Variants in EXT1 observed in about 807,000 individuals in gnomAD.
EXT1 encodes exostosin glycosyltransferase 1.
Under a neutral mutation model 82.5 loss-of-function variants are expected in EXT1, and 20 were observed. The observed-to-expected ratio is 0.24, with a 90% CI of 0.17 to 0.35. The LOEUF is 0.35. Ranked by LOEUF, EXT1 falls within the 10% of genes least tolerant of loss-of-function variation. The pLI is 1.00. For missense variants in EXT1, 757 were observed against 936.5 expected (o/e 0.81, Z 2.50); for synonymous variants, 348 against 350.8 (o/e 0.99, Z 0.09).
intron 1 of EXT1, among the ~76,000 whole-genome samples, chr8:117,855,897 C>T (rs1355269695): frequency 6.6e-6 from 1 of 152,092 alleles, no homozygotes; most frequent in Non-Finnish European, 1.5e-5. Context: ...CTCAAACACC[C>T]GACCTCAGGT....
chr8:117,999,960 GTA>G (rs10660296), intron 1 of EXT1, among the ~76,000 whole-genome samples: 9,595 of 150,786 alleles, frequency 0.064, 431 homozygotes, highest in Non-Finnish European at 0.093. Flanking sequence ...GTATGTGCGT[GTA>G]TATATATATA....
intron 1 of EXT1, among the ~76,000 whole-genome samples, chr8:117,869,589 G>A (rs927867474): frequency 2.0e-5 from 3 of 152,148 alleles, no homozygotes; most frequent in Admixed American, 2.0e-4. Flanking sequence ...ATTGAAGGAT[G>A]ATGTAGCAGG....
intron 10 of EXT1, among the ~76,000 whole-genome samples, chr8:117,804,196 G>C (rs941014923): frequency 6.6e-6 from 1 of 152,148 alleles, no homozygotes; most frequent in South Asian, 2.1e-4. Context: ...TAGGTCATGA[G>C]GGTGGAGTCC....
In EXT1 at chr8:118,110,907, T is replaced by A. The variant is rs2130045346; in HGVS notation, c.140A>T (p.His47Leu). 6.2e-7 allele frequency: 1 copy of A among 1,613,988 alleles called. No individual in the cohort carries two copies. The highest frequency in any genetic ancestry group is 8.5e-7 in the Non-Finnish European group (1 of 1,180,022). ...CCAGAAATGATCCGGACTGGGGTGG[T>A]GCAAGCCATTCCTACCGCTGTGTTC... ...REEHSGRNGL[H>L]HPSPDHFWPR... Residue 47 changes from histidine to leucine, a missense_variant, in exon 1 of 11, where the codon CAC (histidine) becomes CTC (leucine). Physicochemically the swap from His to Leu is moderately conservative, Grantham distance 99 (BLOSUM62 -3). This residue lies in a region of EXT1 where 175 missense variants were observed against 159.0 expected (regional missense o/e 1.10). Transcript: ENST00000378204.
At chr8:118,083,632 G>A (rs1166334259) in intron 1 of EXT1, among the ~76,000 whole-genome samples, 2 of 152,076 alleles carry the variant, frequency 1.3e-5, no homozygotes, top group African/African-American at 4.8e-5. Context: ...TGTTCTTACT[G>A]CCCAGCACAG....
At position 117,796,688 on chromosome 8, in the gene EXT1, G is replaced by A. The variant is rs550146913; in HGVS notation, c.*3024C>T. 28 of 152,240 alleles carry A rather than the reference G, an allele frequency of 1.8e-4. No homozygotes were observed. The highest frequency in any genetic ancestry group is 5.8e-4 in the African/African-American group (24 of 41,552). The allele number at this position is 152,240 out of a possible 1,614,324, so 9.4% of individuals were successfully genotyped here. ...TTTTGAAGCATCTATCTGAAAGTGT[G>A]TTGATACGACCAGGTAGGCCCACCT... On this transcript the variant is annotated 3_prime_UTR_variant, in exon 11 of 11. Coordinates refer to ENST00000378204, the MANE Select transcript of EXT1 (RefSeq NM_000127.3).
At chr8:117,813,553 A>T (rs1289705372) in intron 7 of EXT1, among the ~76,000 whole-genome samples, 1 of 152,236 alleles carries the variant, frequency 6.6e-6, no homozygotes, top group African/African-American at 2.4e-5. Context: ...AGATCACTGT[A>T]GAAAGTGCTG....
chr8:117,990,684 T>C (rs929294258), intron 1 of EXT1, among the ~76,000 whole-genome samples: 7 of 152,366 alleles, frequency 4.6e-5, no homozygotes, highest in Middle Eastern at 3.4e-3. Context: ...CATTGGCACA[T>C]GCTTCCTCAT....
At chr8:117,909,141 A>AAG in intron 1 of EXT1, among the ~76,000 whole-genome samples, 1 of 150,782 alleles carries the variant, frequency 6.6e-6, no homozygotes. Flanking sequence ...CAAAAAAAAA[A>AAG]GAGAAAAGCT....
At chr8:117,916,161 T>A (rs1410137292) in intron 1 of EXT1, among the ~76,000 whole-genome samples, 5 of 152,230 alleles carry the variant, frequency 3.3e-5, no homozygotes, top group Admixed American at 3.3e-4. Flanking sequence ...ACTTTACCCA[T>A]GTTAATGAAG....
intron 7 of EXT1, among the ~76,000 whole-genome samples, chr8:117,814,458 C>T (rs1401524749): frequency 6.6e-6 from 1 of 152,040 alleles, no homozygotes; most frequent in Non-Finnish European, 1.5e-5. Context: ...TCATATATAT[C>T]ATCGTGTTTC....
At chr8:117,836,205 C>T (rs1812186204) in intron 2 of EXT1, among the ~76,000 whole-genome samples, 1 of 152,144 alleles carries the variant, frequency 6.6e-6, no homozygotes, top group Admixed American at 6.5e-5. Context: ...CCAAATAACT[C>T]ATAATCCAAA....
At chr8:118,104,216 G>T (rs1817770218) in intron 1 of EXT1, among the ~76,000 whole-genome samples, 1 of 152,184 alleles carries the variant, frequency 6.6e-6, no homozygotes, top group African/African-American at 2.4e-5. Context: ...CAAATAACAG[G>T]TACTCAGCAA....
Position 118,097,304 on chromosome 8 carries a change from G to A in EXT1, c.962+12781C>T, listed in dbSNP as rs189643065. 9.0e-3 allele frequency among the ~76,000 whole-genome samples: 1,375 copies of A among 152,120 alleles called. 8 individuals are homozygous for A. The highest frequency in any genetic ancestry group is 0.013 in the Non-Finnish European group (858 of 67,984). On this transcript the variant is annotated intron_variant, in intron 1 of 10. Coordinates refer to ENST00000378204, the MANE Select transcript of EXT1 (RefSeq NM_000127.3). The stretch of plus-strand genomic sequence containing the variant: ...TTACTAAAAATACAAAAAATTAGCC[G>A]GGCATGGTGGTACATATCTGTAATT...
intron 1 of EXT1, among the ~76,000 whole-genome samples, chr8:117,997,241 C>A (rs940461924): frequency 7.4e-6 from 1 of 134,608 alleles, no homozygotes; most frequent in African/African-American, 3.2e-5. Context: ...GTATAGTTGT[C>A]ATACTATATA....
In EXT1 at chr8:118,110,617, A is replaced by G; in HGVS notation, c.430T>C (p.Tyr144His). 2 of 1,614,218 alleles carry G rather than the reference A, an allele frequency of 1.2e-6. No homozygotes were observed. The highest frequency in any genetic ancestry group is 1.7e-6 in the Non-Finnish European group (2 of 1,180,044). Residue 144 changes from tyrosine (Y) to histidine (H), a missense_variant, in exon 1 of 11, where the codon TAC becomes CAC. Tyr to His is a moderately conservative substitution (Grantham distance 83). Transcript: ENST00000378204. ...CACGCCTGGCTGGGGTCCGAGGTGT[A>G]GAACCTGGAGCCCTCGATGGCCGCT... is the stretch of plus-strand genomic sequence containing the variant. ...ILAAIEGSRFYTSDPSQACLF... is the reference protein window; with the variant it reads ...ILAAIEGSRFHTSDPSQACLF...
intron 1 of EXT1, among the ~76,000 whole-genome samples, chr8:117,868,090 C>A (rs1812805874): frequency 6.6e-6 from 1 of 152,166 alleles, no homozygotes; most frequent in African/African-American, 2.4e-5. Context: ...GGGATCACCA[C>A]CAGCCACCAG....
intron 1 of EXT1, among the ~76,000 whole-genome samples, chr8:118,108,960 T>C (rs1817843023): frequency 6.6e-6 from 1 of 152,226 alleles, no homozygotes. Context: ...AAGGCTGCTC[T>C]GGTTTTTAAC....
intron 1 of EXT1, among the ~76,000 whole-genome samples, chr8:117,901,829 T>C (rs1022788082): frequency 3.9e-5 from 6 of 152,006 alleles, no homozygotes; most frequent in African/African-American, 1.4e-4. Context: ...CCCAGGGAGC[T>C]TGGACTACAG....
Sources: allele counts gnomAD v4.1 joint callset (sites outside exome capture counted in the v4.1 genomes callset), GRCh38; gene constraint gnomAD v4.1.1; regional missense constraint gnomAD v4.1.1; transcripts MANE v1.5; gene names NCBI Gene and HGNC (gene_info 2026-07-23, HGNC 2026-07-21).